The following PTPRD variants were observed in gnomAD, a reference collection of about 807,000 sequenced individuals.
PTPRD encodes the protein protein tyrosine phosphatase receptor type D, also known as receptor-type tyrosine-protein phosphatase delta.
In PTPRD, 34 loss-of-function variants were observed where a neutral mutation model predicts 214.5. That is an observed-to-expected ratio of 0.16 (90% confidence interval 0.12 to 0.21). The LOEUF (loss-of-function observed/expected upper bound fraction) is 0.21, where lower values mean the gene tolerates loss of function less well. PTPRD is among the 10% of genes least tolerant of loss of function. The pLI is 1.00. For missense variants in PTPRD, 2,545 were observed against 2,398.7 expected (o/e 1.06, Z -1.27); for synonymous variants, 1,128 against 845.7 (o/e 1.33, Z -5.79).
intron 11 of PTPRD, among the ~76,000 whole-genome samples, chr9:8,992,354 A>G (rs2099376264): frequency 6.6e-6 from 1 of 152,068 alleles, no homozygotes. Flanking sequence ...AGTGTGATCA[A>G]CCTTTGTTAA....
chr9:10,409,618 T>A (rs1283252962), intron 2 of PTPRD, among the ~76,000 whole-genome samples: 2 of 151,836 alleles, frequency 1.3e-5, no homozygotes, highest in Non-Finnish European at 2.9e-5. Context: ...TTTATGCATA[T>A]ACATTGTGGT....
chr9:9,429,896 G>A (rs544182519), intron 8 of PTPRD, among the ~76,000 whole-genome samples: 1 of 152,214 alleles, frequency 6.6e-6, no homozygotes, highest in Non-Finnish European at 1.5e-5. Context: ...TTGATGGAAT[G>A]TATCTCAAAA....
chr9:8,982,690 C>A (rs1395792214), intron 11 of PTPRD, among the ~76,000 whole-genome samples: 1 of 151,954 alleles, frequency 6.6e-6, no homozygotes, highest in East Asian at 1.9e-4. Context: ...CTATCTAGTT[C>A]ATTCCTATCT....
At chr9:9,635,384 G>A (rs1034638171) in intron 7 of PTPRD, among the ~76,000 whole-genome samples, 4 of 152,168 alleles carry the variant, frequency 2.6e-5, no homozygotes, top group Non-Finnish European at 1.5e-5. Context: ...TATTCCTCTC[G>A]CACCAAGTGG....
intron 3 of PTPRD, among the ~76,000 whole-genome samples, chr9:10,040,681 C>A (rs117671490): frequency 0.018 from 2,667 of 152,104 alleles, 45 homozygotes; most frequent in Non-Finnish European, 0.027. Context: ...ATGGCTTAAA[C>A]ATTTTCTTCC....
At chr9:9,942,362 T>C (rs928552000) in intron 4 of PTPRD, among the ~76,000 whole-genome samples, 4 of 152,166 alleles carry the variant, frequency 2.6e-5, no homozygotes, top group African/African-American at 7.2e-5. Flanking sequence ...CTTTATGTTT[T>C]TCTATTTTAC....
chr9:8,970,376 C>T (rs1427770859), intron 11 of PTPRD, among the ~76,000 whole-genome samples: 1 of 151,600 alleles, frequency 6.6e-6, no homozygotes, highest in Non-Finnish European at 1.5e-5. Flanking sequence ...AGATGAATAA[C>T]CAGAAAGAAA....
intron 12 of PTPRD, among the ~76,000 whole-genome samples, chr9:8,730,433 C>T (rs1487112528): frequency 6.6e-6 from 1 of 152,002 alleles, no homozygotes; most frequent in Non-Finnish European, 1.5e-5. Flanking sequence ...AAGAGTGTGT[C>T]TCTACAATTT....
At chr9:10,573,585 G>A (rs2068167454) in intron 2 of PTPRD, among the ~76,000 whole-genome samples, 2 of 152,124 alleles carry the variant, frequency 1.3e-5, no homozygotes, top group Non-Finnish European at 2.9e-5. Flanking sequence ...ATTTTCAGGA[G>A]GAAGGCATTG....
chr9:9,377,786 G>T (rs540244463), intron 9 of PTPRD, among the ~76,000 whole-genome samples: 1 of 152,194 alleles, frequency 6.6e-6, no homozygotes, highest in Non-Finnish European at 1.5e-5. Context: ...TACAGGAAGT[G>T]AGAGAAGTAC....
chr9:9,348,250 T>G (rs2049685957), intron 9 of PTPRD, among the ~76,000 whole-genome samples: 1 of 152,052 alleles, frequency 6.6e-6, no homozygotes, highest in South Asian at 2.1e-4. Context: ...TGATCTCAAT[T>G]TACTTAAAAA....
intron 8 of PTPRD, among the ~76,000 whole-genome samples, chr9:9,536,283 A>T (rs879633856): frequency 2.6e-5 from 4 of 152,018 alleles, no homozygotes; most frequent in Non-Finnish European, 5.9e-5. Context: ...TTGGCTAAAG[A>T]TTAGCACACA....
chr9:9,075,981 G>A (rs946597128), intron 10 of PTPRD, among the ~76,000 whole-genome samples: 5 of 152,100 alleles, frequency 3.3e-5, no homozygotes, highest in South Asian at 4.1e-4. Flanking sequence ...TAGAGAAATC[G>A]CCATACTGTC....
intron 9 of PTPRD, among the ~76,000 whole-genome samples, chr9:9,375,192 T>C (rs1018444788): frequency 5.3e-5 from 8 of 152,188 alleles, no homozygotes; most frequent in African/African-American, 1.9e-4. Context: ...ATGTCTGTTA[T>C]ACCAATGTTC....
rs2083294934 is a variant in PTPRD, at chr9:8,376,518, G to C, written c.4506+89C>G. The C allele has an allele frequency of 2.1e-5, 33 of 1,566,588 alleles. No homozygotes were observed. In the South Asian group the frequency reaches 2.7e-4, roughly 13 times the overall value. On this transcript the variant is annotated intron_variant, in intron 38 of 45. Transcript: ENST00000381196. ...TGTTGCCATTGAGATCAAGATTTAAGTAAAGCCTTAAGAGATTTCATTTCT... is the reference window on the plus strand; with the variant it reads ...TGTTGCCATTGAGATCAAGATTTAACTAAAGCCTTAAGAGATTTCATTTCT...
intron 44 of PTPRD, among the ~76,000 whole-genome samples, 166 bp downstream of exon 44, chr9:8,331,407 TTATTTTCAC>T (rs1027589589): frequency 6.4e-5 from 3 of 47,238 alleles, no homozygotes; most frequent in Admixed American, 2.6e-4. Flanking sequence ...TTTCCTCTGA[TTATTTTCAC>T]TTATTTTCAC....
chr9:10,267,190 CA>C (rs530164049), intron 3 of PTPRD, among the ~76,000 whole-genome samples: 17,569 of 75,870 alleles, frequency 0.23, 804 homozygotes, highest in Admixed American at 0.26. Context: ...GACTCCGTCT[CA>C]AAAAAAAAAA....
At chr9:8,546,928 T>G (rs1217002890) in intron 14 of PTPRD, among the ~76,000 whole-genome samples, 2 of 152,240 alleles carry the variant, frequency 1.3e-5, no homozygotes, top group Non-Finnish European at 2.9e-5. Flanking sequence ...GTGGTTTATT[T>G]AGCAAAGGCA....
intron 7 of PTPRD, among the ~76,000 whole-genome samples, chr9:9,727,757 T>A (rs1182695573): frequency 6.6e-6 from 1 of 152,186 alleles, no homozygotes; most frequent in Non-Finnish European, 1.5e-5. Context: ...ATGAATGCTA[T>A]CCTGATGGTG....
Sources: allele counts gnomAD v4.1 joint callset (sites outside exome capture counted in the v4.1 genomes callset), GRCh38; gene constraint gnomAD v4.1.1; transcripts MANE v1.5; gene names NCBI Gene and HGNC (gene_info 2026-07-23, HGNC 2026-07-21).